Variants in TTC27 observed in about 807,000 individuals in gnomAD.
TTC27 encodes the protein tetratricopeptide repeat protein 27.
Under a neutral mutation model 115.9 loss-of-function variants are expected in TTC27, and 79 were observed. The observed-to-expected ratio is 0.68, with a 90% CI of 0.57 to 0.82. The LOEUF is 0.82. TTC27 is among the 40% of genes least tolerant of loss of function. The pLI, the probability that TTC27 is intolerant of heterozygous loss-of-function variation, is 0.00. For synonymous variants in TTC27, 401 were observed against 356.0 expected (o/e 1.13, Z -1.42); for missense variants, 1,054 against 993.1 (o/e 1.06, Z -0.82).
chr2:32,724,464 C>G (rs1350966005), intron 10 of TTC27, among the ~76,000 whole-genome samples: 1 of 152,110 alleles, frequency 6.6e-6, no homozygotes, highest in Non-Finnish European at 1.5e-5. Context: ...TGCTAGTAGT[C>G]ACTGAATGCC....
intron 13 of TTC27, among the ~76,000 whole-genome samples, chr2:32,775,285 C>G (rs922748541): frequency 2.6e-5 from 4 of 152,188 alleles, no homozygotes; most frequent in Non-Finnish European, 5.9e-5. Context: ...GCAAGCTCCA[C>G]CTCCTGGGTT....
Position 32,752,553 on chromosome 2 carries a change from T to G in TTC27, c.1453-5739T>G, listed in dbSNP as rs1184567452. ...CAGCCCGATTTAAATTATGATCCTT[T>G]TTCTCTCTGGTCTAGCATGGTTAGA... On this transcript the variant is annotated intron_variant, in intron 12 of 19. Transcript: ENST00000317907. Among the ~76,000 whole-genome samples the G allele has an allele frequency of 2.0e-5, 3 of 152,208 alleles. 1 individual carries two copies. Among genetic ancestry groups the G allele is most frequent in the Non-Finnish European group, 4.4e-5 (3 of 68,034 alleles).
Position 32,664,368 on chromosome 2 carries a change from G to A in TTC27, c.706G>A (p.Glu236Lys). ...ATATTTGGCTATTCAATTCCATCTG[G>A]AATGTGCATATGTGTTTTTATATTA... is the stretch of plus-strand genomic sequence containing the variant. ...GRYLAIQFHL[E>K]CAYVFLYYYE... Residue 236 changes from glutamate (E) to lysine (K), a missense_variant, in exon 6 of 20, where the codon GAA becomes AAA. Physicochemically the swap from Glu to Lys is moderately conservative, Grantham distance 56. Coordinates refer to ENST00000317907, the MANE Select transcript of TTC27 (RefSeq NM_017735.5). The A allele has an allele frequency of 1.2e-6, 2 of 1,611,982 alleles. No individual in the cohort carries two copies.
chr2:32,644,589 T>C (rs374522208), intron 4 of TTC27, among the ~76,000 whole-genome samples: 1 of 152,144 alleles, frequency 6.6e-6, no homozygotes, highest in East Asian at 1.9e-4. Flanking sequence ...TTTTGCCTTT[T>C]TCTTTTTCTT....
chr2:32,639,584 A>G (rs983790470), intron 3 of TTC27, among the ~76,000 whole-genome samples: 2 of 152,232 alleles, frequency 1.3e-5, no homozygotes, highest in Non-Finnish European at 2.9e-5. Flanking sequence ...TATCAAATAC[A>G]CTATTTACTA....
rs531740604 is a variant in TTC27 at position 32,689,234 on chromosome 2, T to G, written c.1119+10312T>G. Among the ~76,000 whole-genome samples, 14 of 152,244 alleles carry G rather than the reference T, an allele frequency of 9.2e-5. No individual in the cohort carries two copies. The East Asian group carries it at 2.3e-3, about 25-fold the overall frequency. On this transcript the variant is annotated intron_variant, in intron 9 of 19. Transcript: ENST00000317907. ...TAGGATGATGAACAATTTCTATAAT[T>G]TGATTTAATAGTGGTTATATAGGTG...
At chr2:32,763,650 C>T (rs551588831) in intron 13 of TTC27, among the ~76,000 whole-genome samples, 2 of 152,200 alleles carry the variant, frequency 1.3e-5, no homozygotes, top group South Asian at 2.1e-4. Flanking sequence ...AGCTCCTATA[C>T]GAAATAGAGG....
chr2:32,664,425 G>T lies in TTC27; in HGVS notation c.763G>T (p.Asp255Tyr). The T allele has an allele frequency of 6.2e-7, 1 of 1,611,598 alleles. No individual in the cohort carries two copies. The highest frequency in any genetic ancestry group is 8.5e-7 in the Non-Finnish European group (1 of 1,179,336). ...YEYRKAKDQL[D>Y]IAKDISQLQI... ...GTACAGAAAAGCAAAAGATCAGTTG[G>T]ATATTGCTAAGGACATCAGCCAATT... Residue 255 changes from aspartate to tyrosine, a missense_variant, in exon 6 of 20, where the codon GAT (aspartate) becomes TAT (tyrosine). Asp to Tyr is a radical substitution (Grantham distance 160). Coordinates refer to ENST00000317907, the MANE Select transcript of TTC27 (RefSeq NM_017735.5).
At chr2:32,650,353 CTT>C (rs368973893) in intron 5 of TTC27, 120 bp downstream of exon 5, 19,036 of 209,720 alleles carry the variant, frequency 0.091, 1 homozygote, top group East Asian at 0.12. Context: ...TGAGTTGTTT[CTT>C]TTTTTTTTTT....
intron 9 of TTC27, among the ~76,000 whole-genome samples, chr2:32,701,943 C>T (rs1030827764): frequency 6.7e-6 from 1 of 150,050 alleles, no homozygotes; most frequent in Non-Finnish European, 1.5e-5. Context: ...CTCAGGAAGC[C>T]GAAGCTGTAG....
At chr2:32,819,997 TTTCTC>T (rs1252439875) in intron 19 of TTC27, among the ~76,000 whole-genome samples, 1 of 152,246 alleles carries the variant, frequency 6.6e-6, no homozygotes, top group Non-Finnish European at 1.5e-5. Flanking sequence ...TAAAAGGTGT[TTTCTC>T]TGCTGATGAC....
At chr2:32,709,571 A>G (rs79859052) in intron 10 of TTC27, among the ~76,000 whole-genome samples, 3,896 of 152,312 alleles carry the variant, frequency 0.026, 69 homozygotes, top group Middle Eastern at 0.037. Context: ...GAAAATGTCA[A>G]TCCGAGGTGT....
intron 9 of TTC27, among the ~76,000 whole-genome samples, chr2:32,691,256 G>A (rs1666798092): frequency 6.6e-6 from 1 of 151,752 alleles, no homozygotes; most frequent in African/African-American, 2.4e-5. Flanking sequence ...GAATAAAATA[G>A]TAAGTCCTTC....
Position 32,821,020 on chromosome 2 carries a change from G to A in TTC27, c.*82G>A. 1.6e-6 allele frequency: 2 copies of A among 1,241,032 alleles called. No homozygotes were observed. The highest frequency in any genetic ancestry group is 2.1e-6 in the Non-Finnish European group (2 of 964,452). 76.9% of individuals were successfully genotyped at this position (1,241,032 alleles called of 1,614,324 possible). A position where few individuals can be genotyped will look rare whatever the true frequency, so the allele number is the denominator to read the frequency against. On this transcript the variant is annotated 3_prime_UTR_variant, in exon 20 of 20. Coordinates refer to ENST00000317907, the MANE Select transcript of TTC27 (RefSeq NM_017735.5). ...CTGTATATCTGAAATGCAAGATATT[G>A]ATTTTTAAAATAAATTTGTTTTATG...
In TTC27 at chr2:32,758,323, A is replaced by G. The variant is rs1156324925; in HGVS notation, c.1484A>G (p.Lys495Arg). 2.5e-6 allele frequency: 4 copies of G among 1,614,232 alleles called. No homozygotes were observed. The highest frequency in any genetic ancestry group is 2.5e-6 in the Non-Finnish European group (3 of 1,180,036). The change falls in exon 13 of 20, where the codon AAA (lysine) becomes AGA (arginine). Residue 495 changes from lysine (K) to arginine (R), a missense_variant. Physicochemically the swap from Lys to Arg is conservative, Grantham distance 26. Coordinates refer to ENST00000317907, the MANE Select transcript of TTC27 (RefSeq NM_017735.5). ...AEEILRQELE[K>R]KETPSLYCLL... is the part of the protein sequence containing the mutation. ...GAAATCCTTAGACAAGAGCTGGAGAAAAAAGAAACGCCTAGTTTATACTGC... is the reference window on the plus strand; with the variant it reads ...GAAATCCTTAGACAAGAGCTGGAGAGAAAAGAAACGCCTAGTTTATACTGC...
chr2:32,774,183 CTTT>C (rs35405720), intron 13 of TTC27, among the ~76,000 whole-genome samples: 4 of 139,782 alleles, frequency 2.9e-5, no homozygotes. Context: ...CTTCCTTTTA[CTTT>C]TTTTTTTTTT....
At chr2:32,678,767 T>A (rs1420814578) in intron 8 of TTC27, 89 bp from the exon 9 acceptor site, 27 of 894,216 alleles carry the variant, frequency 3.0e-5, no homozygotes, top group Non-Finnish European at 4.3e-5. Context: ...ATATAAAATA[T>A]AGCAGTTTAC....
chr2:32,664,787 C>G (rs1029893084), intron 6 of TTC27, among the ~76,000 whole-genome samples: 1 of 151,468 alleles, frequency 6.6e-6, no homozygotes, highest in Non-Finnish European at 1.5e-5. Flanking sequence ...AGTTTGGCCT[C>G]TCTGCATTGC....
At position 32,681,649 on chromosome 2, in the gene TTC27, C is replaced by CTT. The variant is rs5830239; in HGVS notation, c.1119+2742_1119+2743dup. Among the ~76,000 whole-genome samples the CTT allele has an allele frequency of 2.4e-3, 344 of 140,632 alleles. 1 individual carries two copies. The highest frequency in any genetic ancestry group is 4.7e-3 in the South Asian group (21 of 4,454). The allele number at this position is 140,632 out of a possible 152,430, so 92.3% of individuals were successfully genotyped here. On this transcript the variant is annotated intron_variant, in intron 9 of 19. Coordinates refer to ENST00000317907, the MANE Select transcript of TTC27 (RefSeq NM_017735.5). The stretch of plus-strand genomic sequence containing the variant: ...TCAGTAAATTATATGAGATATTCAG[C>CTT]TTTTTTTTTTTTTTTTATAAAATAG...
Sources: gnomAD v4.1 joint callset for allele counts (sites outside exome capture counted in the v4.1 genomes callset) on GRCh38, gnomAD v4.1.1 for gene constraint, MANE v1.5 for transcripts, NCBI Gene and HGNC (gene_info 2026-07-23, HGNC 2026-07-21) for gene names.